The following DNAH7 variants were observed in gnomAD, a reference collection of about 807,000 sequenced individuals.
DNAH7 encodes the protein dynein axonemal heavy chain 7.
Under a neutral mutation model 444.6 loss-of-function variants are expected in DNAH7, and 397 were observed. The observed-to-expected ratio is 0.89, with a 90% CI of 0.82 to 0.97. The LOEUF (loss-of-function observed/expected upper bound fraction) is 0.97. Among genes scored for constraint, DNAH7 ranks in the 50% least tolerant of loss-of-function variants. The probability of loss-of-function intolerance (pLI) is 0.00; values close to 1 mark genes in which losing one functional copy is unlikely to be tolerated. For synonymous variants in DNAH7, 1,636 were observed against 1,624.4 expected, an observed-to-expected ratio of 1.01 and a Z score of -0.17; for missense variants, 4,902 against 4,800.8, an observed-to-expected ratio of 1.02 and a Z score of -0.62.
intron 61 of DNAH7, among the ~76,000 whole-genome samples, chr2:195,760,062 TCAC>T (rs1694277945): frequency 6.6e-6 from 1 of 152,280 alleles, no homozygotes; most frequent in East Asian, 1.9e-4. Flanking sequence ...TTGGCAACAT[TCAC>T]CACAAGGTGG....
intron 15 of DNAH7, among the ~76,000 whole-genome samples, chr2:195,976,737 GAGAGGCAGAC>G (rs1289458976): frequency 4.3e-4 from 61 of 141,544 alleles, no homozygotes; most frequent in African/African-American, 1.6e-3. Context: ...GAGAGAGACA[GAGAGGCAGAC>G]AGAGAGAGAG....
At chr2:195,814,685 C>T (rs1413385752) in intron 51 of DNAH7, among the ~76,000 whole-genome samples, 1 of 152,036 alleles carries the variant, frequency 6.6e-6, no homozygotes, top group East Asian at 1.9e-4. Flanking sequence ...AAAAGCAGAG[C>T]ATTATTTATT....
chr2:195,869,876 T>C (rs778227664), intron 40 of DNAH7, among the ~76,000 whole-genome samples: 2 of 152,204 alleles, frequency 1.3e-5, no homozygotes, highest in Non-Finnish European at 2.9e-5. Flanking sequence ...ATGTTTTATA[T>C]AGGTATGTAT....
At chr2:195,849,350 A>G (rs563788773) in intron 46 of DNAH7, among the ~76,000 whole-genome samples, 34 of 152,246 alleles carry the variant, frequency 2.2e-4, no homozygotes, top group Admixed American at 5.9e-4. Context: ...ACTAGCAACC[A>G]TAATTCCATC....
intron 58 of DNAH7, among the ~76,000 whole-genome samples, chr2:195,778,689 T>C (rs1450841964): frequency 6.2e-5 from 6 of 97,370 alleles, no homozygotes; most frequent in African/African-American, 2.1e-4. Flanking sequence ...CACATATATA[T>C]ACACATATAT....
chr2:195,987,163 A>G lies in DNAH7; in HGVS notation c.1657T>C (p.Cys553Arg), dbSNP rs775304472. Residue 553 changes from cysteine (C) to arginine (R), a missense_variant, in exon 14 of 65, where the codon TGT becomes CGT. By Grantham distance (180) the Cys-to-Arg change is radical. Coordinates refer to ENST00000312428, the MANE Select transcript of DNAH7 (RefSeq NM_018897.3). ...ACCAAAGCTCTGATTAATTCCTCAC[A>G]GTGCATTTCAAACATTCCTAAACGA... is the stretch of plus-strand genomic sequence containing the variant. ...TIRLGMFEMH[C>R]EELIRALVKR... 1.3e-5 allele frequency: 21 copies of G among 1,603,236 alleles called. No homozygotes were observed. Among genetic ancestry groups the G allele is most frequent in the Non-Finnish European group, 1.8e-5 (21 of 1,175,562 alleles).
chr2:195,764,499 C>T (rs370875595), intron 61 of DNAH7, among the ~76,000 whole-genome samples: 1 of 152,008 alleles, frequency 6.6e-6, no homozygotes, highest in African/African-American at 2.4e-5. Context: ...CCTAAAGACT[C>T]CACCAAAAAT....
intron 19 of DNAH7, among the ~76,000 whole-genome samples, chr2:195,954,250 T>A (rs1453164173): frequency 6.6e-6 from 1 of 152,176 alleles, no homozygotes; most frequent in East Asian, 1.9e-4. Flanking sequence ...ACTGTTCAAT[T>A]CCCACCTATG....
intron 15 of DNAH7, 48 bp from the exon 16 acceptor site, chr2:195,972,514 G>T: frequency 7.2e-7 from 1 of 1,384,774 alleles, no homozygotes; most frequent in Non-Finnish European, 1.0e-6. Flanking sequence ...AACAGCTCAT[G>T]TCACGAAACA....
chr2:195,953,377 G>C (rs1290651492), intron 19 of DNAH7, among the ~76,000 whole-genome samples: 1 of 152,170 alleles, frequency 6.6e-6, no homozygotes, highest in Admixed American at 6.5e-5. Flanking sequence ...GTTGACCCTG[G>C]CTGGGAGGTA....
At position 195,884,798 on chromosome 2, in the gene DNAH7, C is replaced by G. The variant is rs756674226; in HGVS notation, c.5550G>C (p.Leu1850=). 2 of 1,611,752 alleles carry G rather than the reference C, an allele frequency of 1.2e-6. No homozygotes were observed. The highest frequency in any genetic ancestry group is 2.2e-5 in the South Asian group (2 of 90,954). Residue 1850 remains leucine, a synonymous_variant, in exon 35 of 65, where the codon CTG becomes CTC. Coordinates refer to ENST00000312428, the MANE Select transcript of DNAH7 (RefSeq NM_018897.3). ...CACCAACGGACCAGATCAATGAAAA[C>G]AGAAAAATGCCCTGCATTGGACAGA... The part of the protein sequence containing the change: ...ETYSLLEGIF[L]FSLIWSVGAS...
intron 30 of DNAH7, chr2:195,892,380 A>G (rs1321615380): frequency 6.6e-6 from 1 of 152,138 alleles, no homozygotes; most frequent in South Asian, 2.1e-4. Flanking sequence ...TTTCTTGTGG[A>G]GTGAAAAAGT....
chr2:195,799,336 G>T lies in DNAH7; in HGVS notation c.10313C>A (p.Ala3438Glu). Residue 3438 changes from alanine to glutamate, a missense_variant, in exon 55 of 65, where the codon GCA becomes GAA. Physicochemically the swap from Ala to Glu is moderately radical, Grantham distance 107 (BLOSUM62 -1). Coordinates refer to ENST00000312428, the MANE Select transcript of DNAH7 (RefSeq NM_018897.3). ...TTTTAGAAGGGCAGCCATGGGATCT[G>T]CTCCAGGAGAGAGCACGAAAATCAG... ...APLIFVLSPG[A>E]DPMAALLKFA... The T allele has an allele frequency of 6.2e-7, 1 of 1,608,922 alleles. No homozygotes were observed. Among genetic ancestry groups the T allele is most frequent in the Non-Finnish European group, 8.5e-7 (1 of 1,177,524 alleles).
chr2:195,917,414 G>C (rs1197700047), intron 24 of DNAH7, among the ~76,000 whole-genome samples: 1 of 151,700 alleles, frequency 6.6e-6, no homozygotes, highest in African/African-American at 2.4e-5. Flanking sequence ...CTGCACAGGT[G>C]GACAGCCCAC....
chr2:195,776,196 C>T (rs201656946), intron 59 of DNAH7, among the ~76,000 whole-genome samples: 8 of 152,102 alleles, frequency 5.3e-5, no homozygotes, highest in Admixed American at 3.3e-4. Flanking sequence ...GTAATCCCAG[C>T]ACTTTGGGAG....
chr2:195,799,048 C>T (rs1049936311), intron 55 of DNAH7, among the ~76,000 whole-genome samples: 6 of 151,992 alleles, frequency 3.9e-5, no homozygotes, highest in African/African-American at 1.5e-4. Flanking sequence ...TCCCCCAACC[C>T]CAAATAAAAG....
At chr2:195,897,533 A>C in intron 29 of DNAH7, 134 bp downstream of exon 29, 1 of 441,962 alleles carries the variant, frequency 2.3e-6, no homozygotes, top group Admixed American at 4.3e-5. Context: ...ACACACTTCA[A>C]ATAAAATATG....
At chr2:196,068,592 A>T in intron 1 of DNAH7, 105 bp downstream of exon 1, 1 of 1,432,120 alleles carries the variant, frequency 7.0e-7, no homozygotes, top group Non-Finnish European at 9.5e-7. Context: ...TACACCGCGG[A>T]GTCACAGCTG....
intron 54 of DNAH7, among the ~76,000 whole-genome samples, chr2:195,803,776 CTGTT>C (rs1220777363): frequency 6.6e-6 from 1 of 152,186 alleles, no homozygotes; most frequent in Non-Finnish European, 1.5e-5. Flanking sequence ...GATTAATTTG[CTGTT>C]TGTTTACCAT....
Sources: allele counts gnomAD v4.1 joint callset (sites outside exome capture counted in the v4.1 genomes callset), GRCh38; gene constraint gnomAD v4.1.1; transcripts MANE v1.5; gene names NCBI Gene and HGNC (gene_info 2026-07-23, HGNC 2026-07-21).